The following EFHD1 variants were observed in gnomAD, a reference collection of about 807,000 sequenced individuals.
EFHD1 encodes EF-hand domain-containing protein D1.
A neutral mutation model predicts 17.2 loss-of-function variants in EFHD1; 10 were observed. The ratio of observed to expected loss-of-function variants is 0.58; its 90% CI spans 0.36 to 0.99. The LOEUF is 0.99. Among genes scored for constraint, EFHD1 ranks in the 50% least tolerant of loss-of-function variants. The probability of loss-of-function intolerance (pLI) is 0.01; values close to 1 mark genes in which losing one functional copy is unlikely to be tolerated. For missense variants in EFHD1, 310 were observed against 327.5 expected, an observed-to-expected ratio of 0.95 and a Z score of 0.41; for synonymous variants, 153 against 142.0, an observed-to-expected ratio of 1.08 and a Z score of -0.55.
chr2:232,648,561 T>C (rs1428198582), intron 1 of EFHD1, among the ~76,000 whole-genome samples: 1 of 151,974 alleles, frequency 6.6e-6, no homozygotes, highest in Non-Finnish European at 1.5e-5. Context: ...CCGAGGCTCA[T>C]CTAGATAGGC....
intron 1 of EFHD1, among the ~76,000 whole-genome samples, chr2:232,624,225 C>A (rs1487935966): frequency 1.3e-5 from 2 of 152,134 alleles, no homozygotes; most frequent in South Asian, 4.1e-4. Context: ...GGGAGCTGAG[C>A]CTACCCAGGG....
At chr2:232,680,342 A>G (rs533158833) in intron 3 of EFHD1, among the ~76,000 whole-genome samples, 1 of 148,994 alleles carries the variant, frequency 6.7e-6, no homozygotes, top group Non-Finnish European at 1.5e-5. Context: ...TCACAGAATC[A>G]GTTCTAGAAT....
rs529672842 is a variant in EFHD1 at position 232,672,486 on chromosome 2, C to T, written c.585+43C>T. On this transcript the variant is annotated intron_variant, in intron 3 of 3. Coordinates refer to ENST00000264059, the MANE Select transcript of EFHD1 (RefSeq NM_025202.4). ...TCTGTGAGGAGCAACCACTCCCAGC[C>T]TTCACGCTGCCCACCAGACTGCAGC... 11 of 1,546,648 alleles carry T rather than the reference C, an allele frequency of 7.1e-6. No individual in the cohort carries two copies. The African/African-American group carries it at 1.2e-4, about 17-fold the overall frequency.
At chr2:232,642,732 T>C (rs978928449) in intron 1 of EFHD1, among the ~76,000 whole-genome samples, 1 of 152,176 alleles carries the variant, frequency 6.6e-6, no homozygotes, top group Non-Finnish European at 1.5e-5. Context: ...GATGCTGTTC[T>C]GTTCCCGAGG....
chr2:232,617,560 A>G (rs1341302661), intron 1 of EFHD1, among the ~76,000 whole-genome samples: 1 of 151,458 alleles, frequency 6.6e-6, no homozygotes, highest in East Asian at 1.9e-4. Flanking sequence ...AGGCTGAGGC[A>G]GGAGAATGGC....
intron 1 of EFHD1, among the ~76,000 whole-genome samples, chr2:232,619,362 G>A (rs905157309): frequency 1.7e-4 from 25 of 148,694 alleles, no homozygotes; most frequent in African/African-American, 5.2e-4. Flanking sequence ...CTAGGCTGGA[G>A]TGTGATGGCG....
chr2:232,614,572 CT>C (rs1245213685), intron 1 of EFHD1, among the ~76,000 whole-genome samples: 5 of 152,208 alleles, frequency 3.3e-5, no homozygotes, highest in African/African-American at 1.2e-4. Flanking sequence ...AATAAGTCTG[CT>C]TTCTAATCCC....
chr2:232,650,022 A>C (rs1425520376), intron 1 of EFHD1: 1 of 152,270 alleles, frequency 6.6e-6, no homozygotes, highest in Non-Finnish European at 1.5e-5. Flanking sequence ...CAGGCTGCCT[A>C]AAGAGGGGTG....
chr2:232,665,704 G>A (rs1694956899), intron 2 of EFHD1, among the ~76,000 whole-genome samples: 1 of 152,234 alleles, frequency 6.6e-6, no homozygotes, highest in African/African-American at 2.4e-5. Context: ...ATATAGGCGT[G>A]AGCCACTGCA....
chr2:232,668,161 G>A (rs760281806), intron 2 of EFHD1, among the ~76,000 whole-genome samples: 29 of 152,114 alleles, frequency 1.9e-4, no homozygotes, highest in Non-Finnish European at 3.4e-4. Context: ...CCGGCTTTGT[G>A]GACTATAAAT....
At chr2:232,664,990 C>T (rs1694944442) in intron 2 of EFHD1, among the ~76,000 whole-genome samples, 1 of 152,076 alleles carries the variant, frequency 6.6e-6, no homozygotes, top group East Asian at 1.9e-4. Flanking sequence ...TACCTCACTG[C>T]AACCCTTATC....
chr2:232,641,376 T>TG (rs533833257), intron 1 of EFHD1, among the ~76,000 whole-genome samples: 10 of 152,000 alleles, frequency 6.6e-5, no homozygotes, highest in Non-Finnish European at 1.5e-4. Context: ...TCTTGCAAGG[T>TG]GGTGAGCTGC....
In EFHD1 at chr2:232,614,971, G is replaced by T. The variant is rs1693895011; in HGVS notation, c.14+8798G>T. The stretch of plus-strand genomic sequence containing the variant: ...AGTCTGGGTGACAGAGTGAGACTGT[G>T]TCTCAAAAAAGAAAAATGATTTGTA... On this transcript the variant is annotated intron_variant, in intron 1 of 3. Transcript: ENST00000409613. Among the ~76,000 whole-genome samples, 5 of 152,090 alleles carry T rather than the reference G, an allele frequency of 3.3e-5. No homozygotes were observed. In the South Asian group the frequency reaches 1.0e-3, roughly 32 times the overall value.
chr2:232,664,840 C>G (rs1694941597), intron 2 of EFHD1, among the ~76,000 whole-genome samples: 1 of 150,348 alleles, frequency 6.7e-6, no homozygotes, highest in Admixed American at 6.6e-5. Flanking sequence ...GTCTCGATCT[C>G]CTGACCTCGT....
chr2:232,678,835 C>A (rs928155125), intron 3 of EFHD1, among the ~76,000 whole-genome samples: 2 of 152,090 alleles, frequency 1.3e-5, no homozygotes, highest in Non-Finnish European at 2.9e-5. Context: ...CACGTGGGAA[C>A]TTAGGATATA....
intron 1 of EFHD1, 71 bp from the exon 2 acceptor site, chr2:232,662,731 A>G: frequency 6.5e-7 from 1 of 1,535,288 alleles, no homozygotes; most frequent in Non-Finnish European, 8.7e-7. Flanking sequence ...GAATGAAGCC[A>G]AAGGAATTAC....
chr2:232,651,649 A>G (rs1320301788), intron 1 of EFHD1, among the ~76,000 whole-genome samples: 2 of 152,076 alleles, frequency 1.3e-5, no homozygotes, highest in Admixed American at 6.6e-5. Context: ...TATCTTTTCA[A>G]ATACCTAACT....
chr2:232,656,383 GC>G (rs1283195634), intron 1 of EFHD1, among the ~76,000 whole-genome samples: 2 of 151,692 alleles, frequency 1.3e-5, no homozygotes, highest in Non-Finnish European at 1.5e-5. Context: ...CAAAACCTGT[GC>G]TGGGAAAGTC....
chr2:232,659,143 G>T (rs377072322), intron 1 of EFHD1, among the ~76,000 whole-genome samples: 1 of 151,936 alleles, frequency 6.6e-6, no homozygotes, highest in Non-Finnish European at 1.5e-5. Context: ...CATCCTTCAC[G>T]GTTCCTCAAA....
Sources: allele counts gnomAD v4.1 joint callset (sites outside exome capture counted in the v4.1 genomes callset), GRCh38; gene constraint gnomAD v4.1.1; transcripts MANE v1.5; gene names NCBI Gene and HGNC (gene_info 2026-07-23, HGNC 2026-07-21).